EYS: variants seen among roughly 807,000 people sequenced by gnomAD.
EYS encodes the protein protein eyes shut homolog.
A neutral mutation model predicts 282.1 loss-of-function variants in EYS; 250 were observed. The ratio of observed to expected loss-of-function variants is 0.89; its 90% CI spans 0.80 to 0.98. The LOEUF is 0.98. Ranked by LOEUF, EYS falls within the 50% of genes least tolerant of loss-of-function variation. The pLI, the probability that EYS is intolerant of heterozygous loss-of-function variation, is 0.00. For synonymous variants in EYS, 1,355 were observed against 1,282.9 expected (o/e 1.06, Z -1.20); for missense variants, 4,016 against 3,709.0 (o/e 1.08, Z -2.15).
intron 31 of EYS, among the ~76,000 whole-genome samples, chr6:64,124,132 G>A (rs1275927601): frequency 6.6e-6 from 1 of 152,198 alleles, no homozygotes; most frequent in Non-Finnish European, 1.5e-5. Flanking sequence ...TTTAAAGCAA[G>A]GATTCTTGTA....
At chr6:65,092,855 T>C (rs1774615528) in intron 12 of EYS, among the ~76,000 whole-genome samples, 1 of 152,012 alleles carries the variant, frequency 6.6e-6, no homozygotes, top group Non-Finnish European at 1.5e-5. Flanking sequence ...TGAACCAATA[T>C]ACACATTGTG....
intron 34 of EYS, among the ~76,000 whole-genome samples, chr6:63,986,557 T>C (rs986139967): frequency 1.3e-5 from 2 of 151,540 alleles, no homozygotes; most frequent in Non-Finnish European, 2.9e-5. Context: ...ATAAAGAAAA[T>C]GTGGTACATA....
At chr6:65,644,948 C>A (rs1336585585) in intron 1 of EYS, among the ~76,000 whole-genome samples, 2 of 152,098 alleles carry the variant, frequency 1.3e-5, no homozygotes, top group East Asian at 1.9e-4. Context: ...AAAATAGAAC[C>A]TCCTTAAAGC....
chr6:65,199,752 T>C lies in EYS; in HGVS notation c.2023+96111A>G, dbSNP rs181951069. Reference sequence around the variant, plus strand: ...GGAGAAACAGGAGTGGTAAGCTGAATAGCAGAAACAAGAGCATAAGCAAAA... The same window carrying C: ...GGAGAAACAGGAGTGGTAAGCTGAACAGCAGAAACAAGAGCATAAGCAAAA... On this transcript the variant is annotated intron_variant, in intron 12 of 42. Coordinates refer to ENST00000503581, the MANE Select transcript of EYS (RefSeq NM_001142800.2). Among the ~76,000 whole-genome samples the C allele has an allele frequency of 1.4e-3, 219 of 152,184 alleles. 2 individuals are homozygous for C. Among genetic ancestry groups the C allele is most frequent in the Non-Finnish European group, 2.4e-3 (161 of 67,994 alleles).
At chr6:63,794,495 G>A (rs1236759558) in intron 37 of EYS, among the ~76,000 whole-genome samples, 1 of 152,112 alleles carries the variant, frequency 6.6e-6, no homozygotes, top group Non-Finnish European at 1.5e-5. Flanking sequence ...TGACTTGAAG[G>A]CATCATTTTT....
chr6:65,506,420 T>C (rs888326670), intron 2 of EYS, among the ~76,000 whole-genome samples: 3 of 150,828 alleles, frequency 2.0e-5, no homozygotes, highest in African/African-American at 7.3e-5. Context: ...TTAATGATTG[T>C]ATTGATTGTC....
At chr6:65,449,620 A>C (rs928119149) in intron 5 of EYS, among the ~76,000 whole-genome samples, 3 of 152,114 alleles carry the variant, frequency 2.0e-5, no homozygotes, top group African/African-American at 7.2e-5. Flanking sequence ...ACAAAATCAA[A>C]CAAAATCAAA....
intron 12 of EYS, among the ~76,000 whole-genome samples, chr6:65,072,528 C>T (rs1053295492): frequency 1.3e-5 from 2 of 151,642 alleles, no homozygotes; most frequent in East Asian, 1.9e-4. Context: ...AGAAATGGAA[C>T]AATATTCTTA....
chr6:63,952,018 A>T (rs1229375099), intron 35 of EYS, among the ~76,000 whole-genome samples: 1 of 152,178 alleles, frequency 6.6e-6, no homozygotes, highest in African/African-American at 2.4e-5. Context: ...TACTCAACTA[A>T]CCTCACCTTC....
intron 12 of EYS, among the ~76,000 whole-genome samples, chr6:65,275,273 G>C (rs1242498944): frequency 1.3e-5 from 2 of 152,160 alleles, no homozygotes; most frequent in Non-Finnish European, 2.9e-5. Context: ...TATGTTACTG[G>C]ACCTTAGTCG....
intron 35 of EYS, among the ~76,000 whole-genome samples, chr6:63,891,313 T>A (rs190307861): frequency 2.0e-5 from 3 of 152,160 alleles, no homozygotes; most frequent in South Asian, 4.1e-4. Context: ...ATATCCCTGA[T>A]GAACATCGAT....
At chr6:65,180,022 A>G (rs1302645645) in intron 12 of EYS, among the ~76,000 whole-genome samples, 2 of 151,982 alleles carry the variant, frequency 1.3e-5, no homozygotes, top group East Asian at 3.9e-4. Context: ...ATGCTAAAAA[A>G]TCTCAATAAA....
At chr6:64,493,494 A>G (rs1334526797) in intron 26 of EYS, among the ~76,000 whole-genome samples, 1 of 151,574 alleles carries the variant, frequency 6.6e-6, no homozygotes, top group Non-Finnish European at 1.5e-5. Context: ...TTAAAAGGAA[A>G]TGTTATTAAG....
At chr6:65,434,209 C>A (rs1767980037) in intron 5 of EYS, among the ~76,000 whole-genome samples, 1 of 152,096 alleles carries the variant, frequency 6.6e-6, no homozygotes, top group Middle Eastern at 3.2e-3. Flanking sequence ...AAGTCATTAT[C>A]CAGAGATGAA....
At chr6:64,190,466 A>C (rs1765069200) in intron 31 of EYS, among the ~76,000 whole-genome samples, 1 of 152,160 alleles carries the variant, frequency 6.6e-6, no homozygotes, top group South Asian at 2.1e-4. Context: ...CAGAGCATGC[A>C]ATCTCCAGGC....
At chr6:64,067,781 C>T (rs1162626089) in intron 32 of EYS, among the ~76,000 whole-genome samples, 5 of 152,102 alleles carry the variant, frequency 3.3e-5, no homozygotes, top group African/African-American at 1.2e-4. Context: ...TGAGGGACTA[C>T]TGCATTTGTT....
chr6:64,706,860 C>T (rs1263800698), intron 22 of EYS, among the ~76,000 whole-genome samples: 1 of 152,002 alleles, frequency 6.6e-6, no homozygotes, highest in African/African-American at 2.4e-5. Flanking sequence ...TTTTACACCA[C>T]TGGTGGGAAT....
chr6:64,110,673 T>C (rs562279143), intron 31 of EYS, among the ~76,000 whole-genome samples: 7 of 152,056 alleles, frequency 4.6e-5, no homozygotes, highest in African/African-American at 1.7e-4. Flanking sequence ...ATTTTTATTT[T>C]AGGTGTGAGA....
At chr6:64,974,058 C>A (rs1770392709) in intron 14 of EYS, among the ~76,000 whole-genome samples, 2 of 151,982 alleles carry the variant, frequency 1.3e-5, no homozygotes, top group South Asian at 4.1e-4. Flanking sequence ...TCCATCATTA[C>A]ATTTATGAGC....
Sources: gnomAD v4.1 joint callset for allele counts (sites outside exome capture counted in the v4.1 genomes callset) on GRCh38, gnomAD v4.1.1 for gene constraint, MANE v1.5 for transcripts, NCBI Gene and HGNC (gene_info 2026-07-23, HGNC 2026-07-21) for gene names.